The following DCDC2 variants were observed in gnomAD, a reference collection of about 807,000 sequenced individuals.
The protein encoded by DCDC2 is doublecortin domain-containing protein 2.
A neutral mutation model predicts 50.2 loss-of-function variants in DCDC2; 40 were observed. The ratio of observed to expected loss-of-function variants is 0.80; its 90% confidence interval spans 0.62 to 1.04. The LOEUF (loss-of-function observed/expected upper bound fraction) is 1.04. DCDC2 is among the 50% of genes least tolerant of loss of function. The pLI is 0.00. For synonymous variants in DCDC2, 234 were observed against 210.6 expected (o/e 1.11, Z -0.96); for missense variants, 570 against 581.9 (o/e 0.98, Z 0.21).
chr6:24,206,465 G>A (rs546987036), intron 7 of DCDC2, among the ~76,000 whole-genome samples: 16 of 152,276 alleles, frequency 1.1e-4, no homozygotes, highest in African/African-American at 3.8e-4. Context: ...AAATTACCTT[G>A]AAAAACAACC....
At chr6:24,358,813 T>TA (rs1310642304), upstream of DCDC2, among the ~76,000 whole-genome samples, 113 of 31,604 alleles carry the variant, frequency 3.6e-3, 5 homozygotes, top group Middle Eastern at 0.015. Context: ...ATATTATATA[T>TA]AAATATATAT....
chr6:24,306,407 G>A (rs1759473371), intron 2 of DCDC2, among the ~76,000 whole-genome samples: 1 of 152,006 alleles, frequency 6.6e-6, no homozygotes, highest in African/African-American at 2.4e-5. Context: ...TTGAGAAGTA[G>A]GTTAGCCGAG....
At chr6:24,279,552 G>T (rs1429026004) in intron 6 of DCDC2, among the ~76,000 whole-genome samples, 1 of 152,150 alleles carries the variant, frequency 6.6e-6, no homozygotes, top group Non-Finnish European at 1.5e-5. Flanking sequence ...CTGTACTCCA[G>T]CCTGGGCAAC....
chr6:24,334,140 T>C (rs1760015006), intron 2 of DCDC2, among the ~76,000 whole-genome samples: 1 of 152,228 alleles, frequency 6.6e-6, no homozygotes, highest in African/African-American at 2.4e-5. Context: ...TAGTCCCTGA[T>C]AATGTCTTCA....
At chr6:24,259,583 T>G (rs757486063) in intron 7 of DCDC2, among the ~76,000 whole-genome samples, 1 of 152,186 alleles carries the variant, frequency 6.6e-6, no homozygotes, top group Non-Finnish European at 1.5e-5. Context: ...CTGTTCATAT[T>G]AAATTAAATT....
At chr6:24,339,382 C>T (rs769907591) in intron 2 of DCDC2, among the ~76,000 whole-genome samples, 26 of 152,194 alleles carry the variant, frequency 1.7e-4, no homozygotes, top group Non-Finnish European at 1.5e-5. Context: ...GGAAAGCTTG[C>T]CTTGTCTGAT....
chr6:24,288,835 A>C lies in DCDC2; in HGVS notation c.759+17T>G, dbSNP rs751302256. On this transcript the variant is annotated intron_variant, in intron 6 of 9. Coordinates refer to ENST00000378454, the MANE Select transcript of DCDC2 (RefSeq NM_016356.5). ...TAAAAATATAGAACATCAACGAGGA[A>C]AGCATCTGATACTTACACTCCCTTT... The C allele has an allele frequency of 1.7e-5, 28 of 1,602,996 alleles. 1 individual carries two copies. In the South Asian group the frequency reaches 2.5e-4, roughly 15 times the overall value.
chr6:24,235,579 C>G (rs780175651), intron 7 of DCDC2, among the ~76,000 whole-genome samples: 24 of 152,084 alleles, frequency 1.6e-4, no homozygotes, highest in Non-Finnish European at 3.1e-4. Flanking sequence ...AAAATAAAAG[C>G]TTTTGATCAA....
chr6:24,226,183 C>T (rs1163421040), intron 7 of DCDC2, among the ~76,000 whole-genome samples: 1 of 152,156 alleles, frequency 6.6e-6, no homozygotes, highest in Non-Finnish European at 1.5e-5. Context: ...CCTCAAATCT[C>T]CAAGATTCAG....
intron 6 of DCDC2, among the ~76,000 whole-genome samples, chr6:24,284,998 CGTCT>C (rs1240629735): frequency 5.9e-5 from 9 of 152,240 alleles, no homozygotes; most frequent in African/African-American, 1.2e-4. Flanking sequence ...ACTAGTTGAT[CGTCT>C]GTCTACTCCC....
intron 7 of DCDC2, among the ~76,000 whole-genome samples, chr6:24,265,294 G>A (rs1763095475): frequency 6.6e-6 from 1 of 152,104 alleles, no homozygotes; most frequent in African/African-American, 2.4e-5. Context: ...ATTAAAGAGA[G>A]CAATAGACCC....
chr6:24,278,329 T>C (rs1213855953), intron 6 of DCDC2, 118 bp from the exon 7 acceptor site: 2 of 856,494 alleles, frequency 2.3e-6, no homozygotes, highest in Non-Finnish European at 3.5e-6. Flanking sequence ...TGTATTGTCC[T>C]GGTTCTGCAA....
At chr6:24,222,114 CAAG>C (rs142055985) in intron 7 of DCDC2, among the ~76,000 whole-genome samples, 109,601 of 151,620 alleles carry the variant, frequency 0.72, 40,044 homozygotes, top group Non-Finnish European at 0.77. Flanking sequence ...GAGAAAAAGA[CAAG>C]AGAATATTCT....
At chr6:24,187,100 A>C (rs1761221939) in intron 8 of DCDC2, among the ~76,000 whole-genome samples, 1 of 152,062 alleles carries the variant, frequency 6.6e-6, no homozygotes, top group Non-Finnish European at 1.5e-5. Flanking sequence ...CCAGCCCCAC[A>C]CATGCTCATA....
intron 6 of DCDC2, among the ~76,000 whole-genome samples, 188 bp downstream of exon 6, chr6:24,288,664 T>TA (rs1362540456): frequency 5.9e-5 from 9 of 152,272 alleles, no homozygotes; most frequent in East Asian, 1.9e-4. Context: ...ATACATATTC[T>TA]AAAAAATGTT....
chr6:24,194,569 G>A (rs367765420), intron 8 of DCDC2, among the ~76,000 whole-genome samples: 2 of 152,200 alleles, frequency 1.3e-5, no homozygotes, highest in South Asian at 2.1e-4. Context: ...CTGTGTTTCT[G>A]AGATGGTGAA....
rs58677081 is a variant in DCDC2 at position 24,327,488 on chromosome 6, G to GATTGA, written c.349-25445_349-25444insTCAAT. 3.4e-3 allele frequency among the ~76,000 whole-genome samples: 287 copies of GATTGA among 84,250 alleles called. 8 individuals are homozygous for GATTGA. Among genetic ancestry groups the GATTGA allele is most frequent in the African/African-American group, 7.2e-3 (238 of 33,050 alleles). The allele number at this position is 84,250 out of a possible 152,430, so 55.3% of individuals were successfully genotyped here. A position where few individuals can be genotyped will look rare whatever the true frequency, so the allele number is the denominator to read the frequency against. On this transcript the variant is annotated intron_variant, in intron 2 of 9. Transcript: ENST00000378454. ...TATTTATTTATTTATTTATTTATTG[G>GATTGA]CTGATACGGAGTTTTGCTCTTGTTG...
At position 24,196,223 on chromosome 6, in the gene DCDC2, CTT is replaced by C. The variant is rs11347091; in HGVS notation, c.1023+8777_1023+8778del. ...TTTTCCTTTCTGGGTTAATAATTGG[CTT>C]TTTTTTTTTATGCAATACTCTCTCC... On this transcript the variant is annotated intron_variant, in intron 8 of 9. Coordinates refer to ENST00000378454, the MANE Select transcript of DCDC2 (RefSeq NM_016356.5). Among the ~76,000 whole-genome samples, 1,289 of 147,564 alleles carry C rather than the reference CTT, an allele frequency of 8.7e-3. 18 individuals are homozygous for C. The highest frequency in any genetic ancestry group is 0.029 in the African/African-American group (1,146 of 40,060).
intron 7 of DCDC2, among the ~76,000 whole-genome samples, chr6:24,233,819 T>C: frequency 6.6e-6 from 1 of 152,236 alleles, no homozygotes; most frequent in East Asian, 1.9e-4. Context: ...CTCACTAATC[T>C]ACATATCTTT....
Sources: gnomAD v4.1 joint callset for allele counts (sites outside exome capture counted in the v4.1 genomes callset) on GRCh38, gnomAD v4.1.1 for gene constraint, MANE v1.5 for transcripts, NCBI Gene and HGNC (gene_info 2026-07-23, HGNC 2026-07-21) for gene names.